GREB1L: variants seen among roughly 807,000 people sequenced by gnomAD.
GREB1L encodes GREB1 like retinoic acid receptor coactivator.
A neutral mutation model predicts 200.8 loss-of-function variants in GREB1L; 17 were observed. The ratio of observed to expected loss-of-function variants is 0.08; its 90% CI spans 0.06 to 0.13. GREB1L has a LOEUF of 0.13. Ranked by LOEUF, GREB1L falls within the 10% of genes least tolerant of loss-of-function variation. The pLI, the probability that GREB1L is intolerant of heterozygous loss-of-function variation, is 1.00. For synonymous variants in GREB1L, 789 were observed against 893.0 expected, an observed-to-expected ratio of 0.88 and a Z score of 2.08; for missense variants, 1,657 against 2,367.7, an observed-to-expected ratio of 0.70 and a Z score of 6.23.
At chr18:21,502,289 A>G (rs1309831349) in intron 23 of GREB1L, among the ~76,000 whole-genome samples, 1 of 151,848 alleles carries the variant, frequency 6.6e-6, no homozygotes, top group Non-Finnish European at 1.5e-5. Flanking sequence ...AGTGTGGCTC[A>G]AAACTGTGGC....
intron 1 of GREB1L, among the ~76,000 whole-genome samples, chr18:21,357,976 TA>T (rs1400345761): frequency 2.0e-5 from 3 of 152,230 alleles, no homozygotes; most frequent in Non-Finnish European, 4.4e-5. Flanking sequence ...ATTTTACGAT[TA>T]TTTTTTCTAT....
intron 1 of GREB1L, among the ~76,000 whole-genome samples, chr18:21,288,869 C>T (rs1228802776): frequency 6.6e-6 from 1 of 151,990 alleles, no homozygotes; most frequent in East Asian, 1.9e-4. Context: ...TCCTGAGCAG[C>T]TGGGATTACA....
chr18:21,368,673 A>G (rs1292412012), intron 2 of GREB1L, among the ~76,000 whole-genome samples: 6 of 152,208 alleles, frequency 3.9e-5, no homozygotes, highest in Non-Finnish European at 8.8e-5. Flanking sequence ...AAGAAAAACA[A>G]TCAAGTTTTG....
intron 15 of GREB1L, among the ~76,000 whole-genome samples, chr18:21,457,016 C>T (rs553199276): frequency 3.2e-4 from 49 of 152,270 alleles, no homozygotes; most frequent in African/African-American, 1.2e-3. Flanking sequence ...CTTGAGCAAA[C>T]ACATCATGGC....
At chr18:21,242,706 G>A (rs1237108856) in intron 1 of GREB1L, among the ~76,000 whole-genome samples, 3 of 152,302 alleles carry the variant, frequency 2.0e-5, no homozygotes, top group Non-Finnish European at 2.9e-5. Flanking sequence ...CTGTCACCGG[G>A]CTCTACTCGC....
At chr18:21,270,514 G>A (rs184918552) in intron 1 of GREB1L, among the ~76,000 whole-genome samples, 2 of 152,286 alleles carry the variant, frequency 1.3e-5, no homozygotes, top group Non-Finnish European at 2.9e-5. Flanking sequence ...GATACTATAA[G>A]CCCAGGGTGT....
At chr18:21,474,141 A>T (rs1377658059) in intron 16 of GREB1L, among the ~76,000 whole-genome samples, 2 of 152,128 alleles carry the variant, frequency 1.3e-5, no homozygotes, top group Non-Finnish European at 2.9e-5. Flanking sequence ...TCACATTTCA[A>T]AACCAATTAT....
At chr18:21,277,095 A>AT (rs2038181070) in intron 1 of GREB1L, among the ~76,000 whole-genome samples, 1 of 151,948 alleles carries the variant, frequency 6.6e-6, no homozygotes, top group South Asian at 2.1e-4. Flanking sequence ...CGCCCAGCCA[A>AT]TTTTTTGTAT....
intron 15 of GREB1L, among the ~76,000 whole-genome samples, chr18:21,463,742 T>TC (rs1866495217): frequency 6.6e-6 from 1 of 152,046 alleles, no homozygotes. Context: ...CACACTTGGC[T>TC]AATTTTTTTT....
At chr18:21,351,983 G>T (rs969087178) in intron 1 of GREB1L, among the ~76,000 whole-genome samples, 1 of 152,042 alleles carries the variant, frequency 6.6e-6, no homozygotes, top group Non-Finnish European at 1.5e-5. Flanking sequence ...GAGTAGTTGG[G>T]ATTACAGGCA....
intron 1 of GREB1L, among the ~76,000 whole-genome samples, chr18:21,261,867 A>AT (rs2037895513): frequency 1.3e-5 from 2 of 152,076 alleles, no homozygotes; most frequent in African/African-American, 4.8e-5. Flanking sequence ...TTTTATTTTA[A>AT]TTTTTTATTT....
chr18:21,481,064 A>G (rs778991805), intron 17 of GREB1L, among the ~76,000 whole-genome samples: 65 of 152,184 alleles, frequency 4.3e-4, no homozygotes, highest in Non-Finnish European at 7.1e-4. Flanking sequence ...AGCAAAGTAC[A>G]TATCTAAGTC....
intron 1 of GREB1L, among the ~76,000 whole-genome samples, chr18:21,340,782 A>G (rs1358292536): frequency 6.6e-6 from 1 of 152,044 alleles, no homozygotes; most frequent in African/African-American, 2.4e-5. Context: ...TGACCTCATG[A>G]TCCACCCGCC....
At chr18:21,323,102 A>AG (rs2038974533) in intron 1 of GREB1L, among the ~76,000 whole-genome samples, 1 of 152,050 alleles carries the variant, frequency 6.6e-6, no homozygotes, top group East Asian at 1.9e-4. Flanking sequence ...CTGGGCAACA[A>AG]GGCAAGACCC....
chr18:21,482,055 T>C (rs1160346818), intron 17 of GREB1L, among the ~76,000 whole-genome samples: 2 of 152,164 alleles, frequency 1.3e-5, no homozygotes, highest in East Asian at 3.8e-4. Context: ...GTCAAAGTGA[T>C]TAGAAGTAGA....
At chr18:21,473,529 A>G (rs1393354926) in intron 16 of GREB1L, among the ~76,000 whole-genome samples, 1 of 149,452 alleles carries the variant, frequency 6.7e-6, no homozygotes, top group Non-Finnish European at 1.5e-5. Flanking sequence ...AGATCACACC[A>G]CTGCACTCCT....
intron 15 of GREB1L, among the ~76,000 whole-genome samples, chr18:21,463,296 C>T (rs2035133192): frequency 6.6e-6 from 1 of 151,552 alleles, no homozygotes; most frequent in Admixed American, 6.6e-5. Flanking sequence ...CAAGCGCCCG[C>T]CACCGCGCCT....
intron 1 of GREB1L, among the ~76,000 whole-genome samples, chr18:21,318,106 A>C (rs904269124): frequency 1.7e-3 from 4 of 2,342 alleles, no homozygotes; most frequent in Non-Finnish European, 4.2e-3. Context: ...AGATTCCGTC[A>C]AAAAAAAAAA....
At chr18:21,365,772 A>G (rs2039664107) in intron 1 of GREB1L, among the ~76,000 whole-genome samples, 1 of 152,122 alleles carries the variant, frequency 6.6e-6, no homozygotes, top group South Asian at 2.1e-4. Context: ...TAGTGGGGGA[A>G]ATCATAAGAA....
Sources: gnomAD v4.1 joint callset for allele counts (sites outside exome capture counted in the v4.1 genomes callset) on GRCh38, gnomAD v4.1.1 for gene constraint, MANE v1.5 for transcripts, NCBI Gene and HGNC (gene_info 2026-07-23, HGNC 2026-07-21) for gene names.